Variants in SLC9C1 observed in about 807,000 individuals in gnomAD.
SLC9C1 encodes solute carrier family 9 member C1.
SLC9C1 carries 97 observed loss-of-function variants against 140.9 expected under a neutral mutation model. The observed-to-expected ratio is 0.69, with a 90% CI of 0.58 to 0.82. The LOEUF (loss-of-function observed/expected upper bound fraction) is 0.82, where lower values mean the gene tolerates loss of function less well. SLC9C1 is among the 40% of genes least tolerant of loss of function. SLC9C1 has a pLI of 0.00. For missense variants in SLC9C1, 1,340 were observed against 1,389.3 expected, an observed-to-expected ratio of 0.96 and a Z score of 0.56; for synonymous variants, 440 against 442.6, an observed-to-expected ratio of 0.99 and a Z score of 0.07.
At chr3:112,256,145 T>C (rs1332988988) in intron 10 of SLC9C1, among the ~76,000 whole-genome samples, 1 of 151,996 alleles carries the variant, frequency 6.6e-6, no homozygotes. Context: ...TTCTACCAGA[T>C]ACACAAAGAA....
chr3:112,251,547 G>A (rs1211223909), intron 10 of SLC9C1, among the ~76,000 whole-genome samples: 3 of 152,146 alleles, frequency 2.0e-5, no homozygotes, highest in African/African-American at 7.2e-5. Flanking sequence ...CTCTAGGAAA[G>A]GAGGTGATCC....
intron 21 of SLC9C1, 84 bp from the exon 22 acceptor site, chr3:112,180,746 A>T: frequency 1.7e-6 from 2 of 1,192,912 alleles, no homozygotes; most frequent in Non-Finnish European, 1.2e-6. Context: ...TTTGTTATTT[A>T]TTTTTTTGAG....
chr3:112,280,920 C>CT, intron 2 of SLC9C1, 137 bp from the exon 3 acceptor site: 2 of 717,490 alleles, frequency 2.8e-6, no homozygotes, highest in East Asian at 5.5e-5. Flanking sequence ...CTCCCTCACA[C>CT]TTATCAGCAC....
intron 20 of SLC9C1, among the ~76,000 whole-genome samples, chr3:112,189,614 C>T (rs1435742863): frequency 1.3e-5 from 2 of 152,146 alleles, no homozygotes; most frequent in Non-Finnish European, 2.9e-5. Context: ...GTACCAGTAC[C>T]ATACTGTTTT....
intron 14 of SLC9C1, among the ~76,000 whole-genome samples, chr3:112,217,884 T>C (rs543459703): frequency 6.6e-6 from 1 of 152,324 alleles, no homozygotes; most frequent in East Asian, 1.9e-4. Flanking sequence ...AGATTCCCCA[T>C]TGTCTGGTAT....
At chr3:112,261,486 A>G (rs574080635) in intron 10 of SLC9C1, among the ~76,000 whole-genome samples, 1 of 152,202 alleles carries the variant, frequency 6.6e-6, no homozygotes, top group Non-Finnish European at 1.5e-5. Context: ...GACTTTCCCA[A>G]TATAACATAA....
chr3:112,259,995 A>G (rs970145081), intron 10 of SLC9C1, among the ~76,000 whole-genome samples: 4 of 152,128 alleles, frequency 2.6e-5, no homozygotes, highest in African/African-American at 9.7e-5. Context: ...TATAATTTCC[A>G]TAAATATCAA....
chr3:112,221,152 T>A lies in SLC9C1; in HGVS notation c.1646A>T (p.Glu549Val). ...SAVQVLVGAA[E>V]SFGEKKGKCM... ...CTTTCCCTTCTTCTCACCAAAACTT[T>A]CTGCTGCACCAACCAACACCTGGAC... Residue 549 changes from glutamate (E) to valine (V), a missense_variant, in exon 14 of 29, where the codon GAA (glutamate) becomes GTA (valine). Transcript: ENST00000305815. 1 of 1,613,614 alleles carries A rather than the reference T, an allele frequency of 6.2e-7. No individual in the cohort carries two copies. Among genetic ancestry groups the A allele is most frequent in the Non-Finnish European group, 8.5e-7 (1 of 1,179,690 alleles).
intron 8 of SLC9C1, among the ~76,000 whole-genome samples, chr3:112,265,526 A>T (rs1434449566): frequency 6.6e-6 from 1 of 152,090 alleles, no homozygotes; most frequent in East Asian, 1.9e-4. Flanking sequence ...CGTTGTCCCA[A>T]AACTCTAAAA....
chr3:112,228,789 C>T (rs2078746334), intron 13 of SLC9C1, among the ~76,000 whole-genome samples: 1 of 152,046 alleles, frequency 6.6e-6, no homozygotes, highest in African/African-American at 2.4e-5. Context: ...AAAAATTTAA[C>T]ATCACTAGTG....
At chr3:112,290,668 A>G (rs1479122262) in intron 1 of SLC9C1, among the ~76,000 whole-genome samples, 1 of 152,164 alleles carries the variant, frequency 6.6e-6, no homozygotes, top group Non-Finnish European at 1.5e-5. Context: ...GTCTCCCACT[A>G]TTATTATGTG....
chr3:112,237,855 G>T (rs941716199), intron 12 of SLC9C1, among the ~76,000 whole-genome samples: 2 of 152,100 alleles, frequency 1.3e-5, no homozygotes, highest in Non-Finnish European at 2.9e-5. Context: ...TCCCTTTGTG[G>T]GTAACCCAAC....
chr3:112,277,710 C>T lies in SLC9C1; in HGVS notation c.469G>A (p.Ala157Thr), dbSNP rs1391209987. ...VSSDPMLTAA[A>T]IRDLGLSRSL... Reference sequence around the variant, plus strand: ...ATATACCTACCAAGGTCTCTTATAGCAGCTGCGGTTAGCATGGGATCTGAA... The same window carrying T: ...ATATACCTACCAAGGTCTCTTATAGTAGCTGCGGTTAGCATGGGATCTGAA... The change falls in exon 5 of 29, where the codon GCT becomes ACT. Residue 157 changes from alanine to threonine, a missense_variant. By Grantham distance (58) the Ala-to-Thr change is moderately conservative. Coordinates refer to ENST00000305815, the MANE Select transcript of SLC9C1 (RefSeq NM_183061.3). 1.3e-6 allele frequency: 2 copies of T among 1,591,410 alleles called. No homozygotes were observed. Among genetic ancestry groups the T allele is most frequent in the African/African-American group, 2.7e-5 (2 of 73,640 alleles).
intron 2 of SLC9C1, 106 bp from the exon 3 acceptor site, chr3:112,280,889 A>ACTCGTTTTCT (rs2080339759): frequency 9.4e-6 from 9 of 955,342 alleles, no homozygotes; most frequent in Middle Eastern, 2.7e-4. Flanking sequence ...CAGTTTCACT[A>ACTCGTTTTCT]CTTTTCATGA....
rs1421942713 is a variant in SLC9C1 at position 112,200,715 on chromosome 3, C to A, written c.2370G>T (p.Glu790Asp). 2 of 1,608,964 alleles carry A rather than the reference C, an allele frequency of 1.2e-6. No homozygotes were observed. Among genetic ancestry groups the A allele is most frequent in the African/African-American group, 2.7e-5 (2 of 74,662 alleles). The change falls in exon 19 of 29, where the codon GAG becomes GAT. Residue 790 changes from glutamate to aspartate, a missense_variant. Glu to Asp is a conservative substitution (Grantham distance 45, BLOSUM62 2). Transcript: ENST00000305815. ...VIRNMEHAIK[E>D]LGYLEYDHPE... ...AATAGGATGAGAGCTACTTACCTAG[C>A]TCTTTTATAGCATGTTCCATATTCC...
At chr3:112,255,669 A>G (rs1296210001) in intron 10 of SLC9C1, among the ~76,000 whole-genome samples, 2 of 152,210 alleles carry the variant, frequency 1.3e-5, no homozygotes, top group Non-Finnish European at 2.9e-5. Context: ...AACTAAAAGA[A>G]CTAGAGAAGC....
intron 13 of SLC9C1, among the ~76,000 whole-genome samples, chr3:112,223,371 G>A (rs1049656054): frequency 6.6e-6 from 1 of 152,086 alleles, no homozygotes; most frequent in African/African-American, 2.4e-5. Context: ...TTCCAGCCAT[G>A]GGTACAAGGC....
intron 20 of SLC9C1, among the ~76,000 whole-genome samples, chr3:112,189,471 A>G (rs2077606523): frequency 6.6e-6 from 1 of 152,202 alleles, no homozygotes; most frequent in South Asian, 2.1e-4. Flanking sequence ...TCCCAGCACC[A>G]TTTATTAAAT....
At chr3:112,194,090 G>C (rs1287816829) in intron 20 of SLC9C1, among the ~76,000 whole-genome samples, 1 of 152,142 alleles carries the variant, frequency 6.6e-6, no homozygotes, top group Admixed American at 6.5e-5. Flanking sequence ...GCTCACAGTA[G>C]ATGGGTAGGG....
Sources: gnomAD v4.1 joint callset for allele counts (sites outside exome capture counted in the v4.1 genomes callset) on GRCh38, gnomAD v4.1.1 for gene constraint, MANE v1.5 for transcripts, NCBI Gene and HGNC (gene_info 2026-07-23, HGNC 2026-07-21) for gene names.